The following ADAMTSL1 variants were observed in gnomAD, a reference collection of about 807,000 sequenced individuals.
ADAMTSL1 encodes ADAMTS-like protein 1.
ADAMTSL1 carries 126 observed loss-of-function variants against 201.8 expected under a neutral mutation model. That is an observed-to-expected ratio of 0.62 (90% CI 0.54 to 0.72). ADAMTSL1 has a LOEUF of 0.72. ADAMTSL1 is among the 30% of genes least tolerant of loss of function. ADAMTSL1 has a pLI of 0.00. For missense variants in ADAMTSL1, 2,679 were observed against 2,277.8 expected, an observed-to-expected ratio of 1.18 and a Z score of -3.59; for synonymous variants, 1,121 against 903.4, an observed-to-expected ratio of 1.24 and a Z score of -4.32.
chr9:18,301,185 T>C (rs574510452), intron 2 of ADAMTSL1, among the ~76,000 whole-genome samples: 1 of 152,194 alleles, frequency 6.6e-6, no homozygotes, highest in Non-Finnish European at 1.5e-5. Context: ...AAAAAAAGTA[T>C]GACACACATT....
rs114650993 is a variant in ADAMTSL1 at position 18,457,843 on chromosome 9, A to G, written c.208-46986A>G. On this transcript the variant is annotated intron_variant, in intron 2 of 29. Coordinates refer to the ADAMTSL1 transcript ENST00000680146. Reference sequence around the variant, plus strand: ...TTTTCTATATGCATATTATACTTCAATACAAAGTTATTCAAAAATCTCTTG... The same window carrying G: ...TTTTCTATATGCATATTATACTTCAGTACAAAGTTATTCAAAAATCTCTTG... Among the ~76,000 whole-genome samples, 480 of 152,348 alleles carry G rather than the reference A, an allele frequency of 3.2e-3. 2 individuals carry two copies. Among genetic ancestry groups the G allele is most frequent in the Middle Eastern group, 0.014 (4 of 294 alleles).
chr9:18,824,690 C>CTTTTTTTTTTTTTTT (rs34551511), intron 21 of ADAMTSL1, among the ~76,000 whole-genome samples: 2 of 75,704 alleles, frequency 2.6e-5, no homozygotes, highest in African/African-American at 5.6e-5. Flanking sequence ...GGACTTGACC[C>CTTTTTTTTTTTTTTT]TTTTTTTTTT....
chr9:18,589,536 T>A (rs1042988642), intron 4 of ADAMTSL1, among the ~76,000 whole-genome samples: 2 of 152,232 alleles, frequency 1.3e-5, no homozygotes, highest in Non-Finnish European at 1.5e-5. Flanking sequence ...ATAATTTGAC[T>A]TCTTCCTTTA....
At chr9:18,062,683 A>C (rs191017522) in intron 1 of ADAMTSL1, among the ~76,000 whole-genome samples, 1 of 152,312 alleles carries the variant, frequency 6.6e-6, no homozygotes, top group East Asian at 1.9e-4. Context: ...GATTCTAAAA[A>C]TTTTAAAGTG....
At chr9:18,243,118 C>G (rs1165460498) in intron 2 of ADAMTSL1, among the ~76,000 whole-genome samples, 1 of 152,054 alleles carries the variant, frequency 6.6e-6, no homozygotes, top group African/African-American at 2.4e-5. Flanking sequence ...CAGTACGGTA[C>G]TGGCATTAAA....
chr9:18,483,549 G>T (rs536382495), intron 1 of ADAMTSL1, among the ~76,000 whole-genome samples: 10 of 152,272 alleles, frequency 6.6e-5, no homozygotes, highest in African/African-American at 2.2e-4. Context: ...AAAGATCGGC[G>T]TGGCGCGCTG....
intron 2 of ADAMTSL1, among the ~76,000 whole-genome samples, chr9:18,326,336 A>G (rs1834829702): frequency 6.6e-6 from 1 of 152,094 alleles, no homozygotes; most frequent in African/African-American, 2.4e-5. Context: ...AATGTTCTGC[A>G]TCGATTGTGG....
chr9:18,051,100 G>C (rs1197230849), intron 1 of ADAMTSL1, among the ~76,000 whole-genome samples: 1 of 152,188 alleles, frequency 6.6e-6, no homozygotes, highest in Non-Finnish European at 1.5e-5. Context: ...AGGAGATGGA[G>C]ACCATCCTGG....
intron 2 of ADAMTSL1, among the ~76,000 whole-genome samples, chr9:18,420,234 G>A (rs1270669447): frequency 6.6e-6 from 1 of 152,158 alleles, no homozygotes; most frequent in Admixed American, 6.5e-5. Flanking sequence ...GTAGAGTTTG[G>A]CTATGGCATT....
intron 13 of ADAMTSL1, among the ~76,000 whole-genome samples, chr9:18,699,365 C>A (rs1831788422): frequency 6.9e-6 from 1 of 144,312 alleles, no homozygotes; most frequent in African/African-American, 2.6e-5. Context: ...TTCTTTGTAG[C>A]CCAGGCTAGA....
At chr9:18,060,662 G>T (rs1481995456) in intron 1 of ADAMTSL1, among the ~76,000 whole-genome samples, 1 of 152,114 alleles carries the variant, frequency 6.6e-6, no homozygotes, top group Non-Finnish European at 1.5e-5. Context: ...TTCTGACGAT[G>T]ACCCTACTGA....
intron 1 of ADAMTSL1, among the ~76,000 whole-genome samples, chr9:18,038,816 A>G (rs150595711): frequency 7.9e-4 from 121 of 152,328 alleles, no homozygotes; most frequent in African/African-American, 2.7e-3. Flanking sequence ...CCACTTCTCC[A>G]TTGGAAAGCA....
At chr9:17,963,196 A>G (rs190762225) in intron 1 of ADAMTSL1, among the ~76,000 whole-genome samples, 42 of 152,358 alleles carry the variant, frequency 2.8e-4, no homozygotes, top group African/African-American at 9.1e-4. Context: ...AAAAATTTCA[A>G]ACATACAGAA....
chr9:18,066,568 G>C (rs1822711983), intron 1 of ADAMTSL1, among the ~76,000 whole-genome samples: 1 of 152,064 alleles, frequency 6.6e-6, no homozygotes, highest in Non-Finnish European at 1.5e-5. Context: ...TATATTTTTA[G>C]GTAATTAAAA....
At chr9:18,405,920 C>G (rs376661241) in intron 2 of ADAMTSL1, among the ~76,000 whole-genome samples, 10 of 152,264 alleles carry the variant, frequency 6.6e-5, no homozygotes, top group African/African-American at 2.2e-4. Flanking sequence ...ACTATTTCTG[C>G]TCTTTCTAAG....
intron 26 of ADAMTSL1, among the ~76,000 whole-genome samples, chr9:18,897,003 G>A (rs1046886162): frequency 2.0e-5 from 3 of 152,204 alleles, no homozygotes; most frequent in Admixed American, 2.0e-4. Context: ...CCTGGGGGAG[G>A]GGTAGCCACC....
chr9:18,211,246 T>A (rs1048134868), intron 2 of ADAMTSL1, among the ~76,000 whole-genome samples: 1 of 152,162 alleles, frequency 6.6e-6, no homozygotes, highest in Admixed American at 6.6e-5. Context: ...GCTCTTTTTG[T>A]TAACTTCTAG....
chr9:18,324,366 A>G (rs772141545), intron 2 of ADAMTSL1, among the ~76,000 whole-genome samples: 63 of 152,294 alleles, frequency 4.1e-4, no homozygotes, highest in Admixed American at 7.2e-4. Flanking sequence ...TTGTAATAGC[A>G]TAGGAGAAAA....
chr9:18,410,375 C>G (rs982876678), intron 2 of ADAMTSL1, among the ~76,000 whole-genome samples: 1 of 152,074 alleles, frequency 6.6e-6, no homozygotes, highest in Admixed American at 6.6e-5. Flanking sequence ...GCTCTCCCAC[C>G]CCCCACAGCC....
Sources: allele counts gnomAD v4.1 joint callset (sites outside exome capture counted in the v4.1 genomes callset), GRCh38; gene constraint gnomAD v4.1.1; transcripts MANE v1.5; gene names NCBI Gene and HGNC (gene_info 2026-07-23, HGNC 2026-07-21).